Variants in ESRRG observed in about 807,000 individuals in gnomAD.
ESRRG encodes estrogen-related receptor gamma.
ESRRG carries 13 observed loss-of-function variants against 44.0 expected under a neutral mutation model. The observed-to-expected ratio is 0.30, with a 90% confidence interval of 0.19 to 0.47. The LOEUF is 0.47. ESRRG is among the 20% of genes least tolerant of loss of function. The probability of loss-of-function intolerance (pLI) is 1.00; values close to 1 mark genes in which losing one functional copy is unlikely to be tolerated. For missense variants in ESRRG, 395 were observed against 580.6 expected (o/e 0.68, Z 3.29); for synonymous variants, 215 against 214.6 (o/e 1.00, Z -0.02).
At chr1:217,018,834 C>T (rs1053243952) in intron 1 of ESRRG, among the ~76,000 whole-genome samples, 1 of 152,090 alleles carries the variant, frequency 6.6e-6, no homozygotes, top group African/African-American at 2.4e-5. Context: ...AGCTATCATG[C>T]CCTAATCACA....
chr1:217,085,038 A>G (rs2091993511), intron 1 of ESRRG, among the ~76,000 whole-genome samples: 1 of 152,140 alleles, frequency 6.6e-6, no homozygotes, highest in Non-Finnish European at 1.5e-5. Flanking sequence ...GGGAGATGAG[A>G]TTTATCCCCA....
At chr1:216,700,972 A>G (rs2081283882) in intron 1 of ESRRG, among the ~76,000 whole-genome samples, 1 of 152,138 alleles carries the variant, frequency 6.6e-6, no homozygotes, top group South Asian at 2.1e-4. Flanking sequence ...AAATAGGTTC[A>G]ATTCAAGCTT....
At chr1:216,713,813 C>G (rs2084181862) in intron 1 of ESRRG, among the ~76,000 whole-genome samples, 1 of 152,174 alleles carries the variant, frequency 6.6e-6, no homozygotes. Context: ...GCTAATGTAA[C>G]AGTGTTGGCA....
At chr1:216,983,446 G>T (rs1349648496) in intron 1 of ESRRG, among the ~76,000 whole-genome samples, 2 of 151,698 alleles carry the variant, frequency 1.3e-5, no homozygotes, top group Non-Finnish European at 2.9e-5. Flanking sequence ...TGCCCAGACT[G>T]GTCTCAAACT....
rs182118751 is a variant in ESRRG at position 216,700,472 on chromosome 1, C to T, written c.56+22772G>A. Among the ~76,000 whole-genome samples the T allele has an allele frequency of 1.6e-4, 24 of 152,140 alleles. No individual in the cohort carries two copies. In the East Asian group the frequency reaches 4.2e-3, roughly 27 times the overall value. ...AACTCACCTGAAATAGATTAAGGACCACCTCTCAGACACACACATACACAA... is the reference window on the plus strand; with the variant it reads ...AACTCACCTGAAATAGATTAAGGACTACCTCTCAGACACACACATACACAA... On this transcript the variant is annotated intron_variant, in intron 1 of 6. Transcript: ENST00000408911.
At chr1:216,670,098 T>C (rs1445943946) in intron 2 of ESRRG, among the ~76,000 whole-genome samples, 1 of 152,244 alleles carries the variant, frequency 6.6e-6, no homozygotes, top group Non-Finnish European at 1.5e-5. Context: ...GGTAGTTATT[T>C]TCTCTAGACA....
intron 1 of ESRRG, among the ~76,000 whole-genome samples, chr1:217,075,213 C>G (rs1177767921): frequency 6.6e-6 from 1 of 152,168 alleles, no homozygotes; most frequent in Non-Finnish European, 1.5e-5. Context: ...AATAATGAAA[C>G]CAGCAACAGT....
chr1:216,750,823 T>C (rs1450571798), intron 2 of ESRRG, among the ~76,000 whole-genome samples: 1 of 152,064 alleles, frequency 6.6e-6, no homozygotes, highest in Non-Finnish European at 1.5e-5. Context: ...TCAAATGAGA[T>C]GCATCATCCA....
intron 1 of ESRRG, among the ~76,000 whole-genome samples, chr1:216,969,579 T>C (rs1397153120): frequency 6.6e-6 from 1 of 152,164 alleles, no homozygotes; most frequent in Admixed American, 6.6e-5. Context: ...TTGGCCCTTC[T>C]ATAGAAATTT....
chr1:216,813,508 C>T (rs897521620), intron 2 of ESRRG, among the ~76,000 whole-genome samples: 1 of 152,140 alleles, frequency 6.6e-6, no homozygotes, highest in African/African-American at 2.4e-5. Context: ...TAACTAGTAT[C>T]TATTTTAATT....
intron 1 of ESRRG, among the ~76,000 whole-genome samples, chr1:216,681,088 G>C (rs777055202): frequency 3.9e-5 from 6 of 152,130 alleles, no homozygotes; most frequent in Non-Finnish European, 8.8e-5. Flanking sequence ...GAAATAACAT[G>C]TGTCGAAATA....
rs1287968465 is a variant in ESRRG at position 216,569,158 on chromosome 1, GAGGGA to G, written c.590-1065_590-1061del. On this transcript the variant is annotated intron_variant, in intron 3 of 6. Coordinates refer to ENST00000408911, the MANE Select transcript of ESRRG (RefSeq NM_001438.4). ...AAAGAAGGAAAGAAGAGTGGAAGAG[GAGGGA>G]AGGGAAGGGAAGGGAAGGGAAGGGA... Among the ~76,000 whole-genome samples, 358 of 48,944 alleles carry G rather than the reference GAGGGA, an allele frequency of 7.3e-3. 13 individuals carry two copies. Among genetic ancestry groups the G allele is most frequent in the South Asian group, 0.013 (17 of 1,260 alleles). The allele number at this position is 48,944 out of a possible 152,430, so 32.1% of individuals were successfully genotyped here.
At chr1:217,100,022 T>G (rs536549308) in intron 1 of ESRRG, among the ~76,000 whole-genome samples, 1 of 152,280 alleles carries the variant, frequency 6.6e-6, no homozygotes, top group Admixed American at 6.5e-5. Flanking sequence ...TGAATTATTT[T>G]GGTAATGAAA....
intron 1 of ESRRG, among the ~76,000 whole-genome samples, chr1:217,079,693 G>A (rs557019979): frequency 6.6e-6 from 1 of 152,240 alleles, no homozygotes; most frequent in Admixed American, 6.5e-5. Flanking sequence ...ACAATTTTTT[G>A]TGAAGTTTTA....
chr1:216,550,480 C>T (rs534981906), intron 5 of ESRRG, among the ~76,000 whole-genome samples: 78 of 152,194 alleles, frequency 5.1e-4, no homozygotes, highest in African/African-American at 1.9e-3. Context: ...GCAATCACTC[C>T]GCTGCCAACA....
chr1:216,879,477 A>G (rs1374350371), intron 2 of ESRRG, among the ~76,000 whole-genome samples: 1 of 134,970 alleles, frequency 7.4e-6, no homozygotes, highest in African/African-American at 3.1e-5. Flanking sequence ...GGGGAAAAAA[A>G]GGCCACCAAA....
chr1:216,600,861 A>G (rs1339288597), intron 3 of ESRRG, among the ~76,000 whole-genome samples: 1 of 152,208 alleles, frequency 6.6e-6, no homozygotes, highest in African/African-American at 2.4e-5. Flanking sequence ...GTCACAGGAC[A>G]CAACCGCCGC....
At chr1:216,685,694 C>A (rs1391378960) in intron 1 of ESRRG, among the ~76,000 whole-genome samples, 2 of 152,200 alleles carry the variant, frequency 1.3e-5, no homozygotes, top group Non-Finnish European at 2.9e-5. Flanking sequence ...AAAGCTCAGG[C>A]TTCCTGAACT....
chr1:217,112,950 A>C lies in ESRRG; in HGVS notation c.-230+24717T>G, dbSNP rs184347700. ...AGGAGCCTCATATAGGACTCAAGAC[A>C]GATAAGGATGTATCTTAAAGATATG... is the stretch of plus-strand genomic sequence containing the variant. On this transcript the variant is annotated intron_variant, in intron 1 of 8. Transcript: ENST00000366940. Among the ~76,000 whole-genome samples the C allele has an allele frequency of 3.0e-4, 46 of 152,324 alleles. No individual in the cohort carries two copies. In the East Asian group the frequency reaches 7.9e-3, roughly 26 times the overall value.
Sources: allele counts gnomAD v4.1 joint callset (sites outside exome capture counted in the v4.1 genomes callset), GRCh38; gene constraint gnomAD v4.1.1; transcripts MANE v1.5; gene names NCBI Gene and HGNC (gene_info 2026-07-23, HGNC 2026-07-21).